The following WDR25 variants were observed in gnomAD, a reference collection of about 807,000 sequenced individuals.
The protein encoded by WDR25 is WD repeat domain 25, also known as WD repeat-containing protein 25.
WDR25 carries 35 observed loss-of-function variants against 47.7 expected under a neutral mutation model. The observed-to-expected ratio is 0.73, with a 90% CI of 0.56 to 0.97. WDR25 has a LOEUF of 0.97. Among genes scored for constraint, WDR25 ranks in the 50% least tolerant of loss-of-function variants. The pLI is 0.00. For missense variants in WDR25, 634 were observed against 704.7 expected (o/e 0.90, Z 1.14); for synonymous variants, 248 against 278.9 (o/e 0.89, Z 1.10).
chr14:100,508,723 G>A (rs1595158253), intron 4 of WDR25, among the ~76,000 whole-genome samples: 1 of 152,116 alleles, frequency 6.6e-6, no homozygotes, highest in Non-Finnish European at 1.5e-5. Context: ...TTACCATTAA[G>A]TATGATGTTA....
chr14:100,403,816 G>C (rs745579331), intron 2 of WDR25, among the ~76,000 whole-genome samples: 1 of 152,138 alleles, frequency 6.6e-6, no homozygotes, highest in Non-Finnish European at 1.5e-5. Flanking sequence ...TGCACATGAA[G>C]TGCTTGGCCC....
At chr14:100,377,981 C>T (rs1383638081) in intron 1 of WDR25, among the ~76,000 whole-genome samples, 3 of 152,122 alleles carry the variant, frequency 2.0e-5, no homozygotes, top group Non-Finnish European at 4.4e-5. Context: ...TCTTGGAAGT[C>T]GGTCTATTGC....
chr14:100,471,808 T>C (rs989017562), intron 3 of WDR25, among the ~76,000 whole-genome samples: 2 of 152,248 alleles, frequency 1.3e-5, no homozygotes, highest in African/African-American at 4.8e-5. Flanking sequence ...TTTATAGTTC[T>C]GACAGGTTGT....
intron 2 of WDR25, among the ~76,000 whole-genome samples, chr14:100,429,366 A>C (rs957586412): frequency 4.6e-5 from 7 of 152,128 alleles, no homozygotes; most frequent in African/African-American, 1.7e-4. Flanking sequence ...CAGGACCTGG[A>C]GTGAAAGAAA....
intron 4 of WDR25, among the ~76,000 whole-genome samples, chr14:100,511,871 G>T (rs1219668496): frequency 6.6e-6 from 1 of 152,008 alleles, no homozygotes; most frequent in Non-Finnish European, 1.5e-5. Flanking sequence ...ATCATGTGTG[G>T]TTTTTTTATT....
chr14:100,435,931 G>A (rs1898487813), intron 2 of WDR25, among the ~76,000 whole-genome samples: 1 of 152,196 alleles, frequency 6.6e-6, no homozygotes, highest in Non-Finnish European at 1.5e-5. Flanking sequence ...GTGAGGCTTG[G>A]AGAGGAGGGA....
In WDR25 at chr14:100,523,977, T is replaced by C. The variant is rs2029987038; in HGVS notation, c.1102-1893T>C. The stretch of plus-strand genomic sequence containing the variant: ...AGCAGTTGTGAAGGCGAGTAAATCA[T>C]GTTCGGTGGCGATCACTTCAAAGGC... On this transcript the variant is annotated intron_variant, in intron 4 of 6. Transcript: ENST00000402312. The surrounding 1 kb of genome is among the most constrained non-coding windows in gnomAD (Gnocchi z 4.7). 6.6e-6 allele frequency among the ~76,000 whole-genome samples: 1 copy of C among 152,090 alleles called. No homozygotes were observed. The highest frequency in any genetic ancestry group is 1.9e-4 in the East Asian group (1 of 5,182).
chr14:100,519,857 T>C (rs996372937), intron 4 of WDR25, among the ~76,000 whole-genome samples: 19 of 141,308 alleles, frequency 1.3e-4, no homozygotes, highest in African/African-American at 4.4e-4. Flanking sequence ...ATATGCTATA[T>C]ATATACTATA....
intron 2 of WDR25, among the ~76,000 whole-genome samples, chr14:100,441,470 T>C (rs1177852393): frequency 6.6e-6 from 1 of 152,110 alleles, no homozygotes; most frequent in Non-Finnish European, 1.5e-5. Flanking sequence ...TCTGGAGCTC[T>C]CCAGGCAGAT....
At chr14:100,467,846 T>TC (rs1899688353) in intron 2 of WDR25, among the ~76,000 whole-genome samples, 175 bp from the exon 3 acceptor site, 1 of 152,022 alleles carries the variant, frequency 6.6e-6, no homozygotes, top group Non-Finnish European at 1.5e-5. Context: ...AACTTACCAA[T>TC]CCCAAGCCTT....
chr14:100,382,425 C>T (rs890535872), intron 2 of WDR25, among the ~76,000 whole-genome samples: 2 of 152,170 alleles, frequency 1.3e-5, no homozygotes, highest in African/African-American at 4.8e-5. Context: ...GGCCTGGGAG[C>T]TGGCTTCAAG....
chr14:100,514,231 C>T (rs77567634), intron 4 of WDR25, among the ~76,000 whole-genome samples: 2,600 of 152,244 alleles, frequency 0.017, 82 homozygotes, highest in African/African-American at 0.052. Context: ...CCACCGCGCC[C>T]GGCCCTTTTT....
intron 3 of WDR25, among the ~76,000 whole-genome samples, chr14:100,472,531 C>T (rs949969887): frequency 4.6e-5 from 7 of 152,262 alleles, no homozygotes; most frequent in Non-Finnish European, 7.3e-5. Flanking sequence ...TCTCCTCCTC[C>T]GTCATGGCCC....
In WDR25 at chr14:100,483,998, C is replaced by A. The variant is rs1056359367; in HGVS notation, c.975C>A (p.Thr325=). ...ALHLTDLETG[T]QLFSGRSDFR... ...TCTTCTCTTTTTGTGTTGTAGGAAC[C>A]CAGCTATTTAGTGGTCGAAGTGACT... Residue 325 remains threonine, a synonymous_variant, in exon 4 of 7, where the codon ACC becomes ACA. Transcript: ENST00000402312. 1.2e-6 allele frequency: 2 copies of A among 1,609,074 alleles called. No individual in the cohort carries two copies. The highest frequency in any genetic ancestry group is 8.5e-7 in the Non-Finnish European group (1 of 1,178,562).
chr14:100,427,373 G>C (rs1029841397), intron 2 of WDR25, among the ~76,000 whole-genome samples: 1 of 152,078 alleles, frequency 6.6e-6, no homozygotes, highest in Non-Finnish European at 1.5e-5. Flanking sequence ...AATGTATCCC[G>C]TTCACCATGG....
chr14:100,426,005 C>T (rs189741450), intron 2 of WDR25, among the ~76,000 whole-genome samples: 8 of 152,270 alleles, frequency 5.3e-5, no homozygotes, highest in East Asian at 3.9e-4. Flanking sequence ...GGTTATTCTC[C>T]GCACGCCGTC....
chr14:100,446,525 T>TG (rs1898837833), intron 2 of WDR25, among the ~76,000 whole-genome samples: 1 of 130,700 alleles, frequency 7.7e-6, no homozygotes, highest in Admixed American at 9.2e-5. Context: ...CACTCTAGCC[T>TG]GGGTGACAGA....
In WDR25 at chr14:100,440,255, A is replaced by C. The variant is rs1410265094; in HGVS notation, c.823-27766A>C. Among the ~76,000 whole-genome samples the C allele has an allele frequency of 2.0e-5, 3 of 152,156 alleles. No individual in the cohort carries two copies. The highest frequency in any genetic ancestry group is 2.9e-5 in the Non-Finnish European group (2 of 68,016). On this transcript the variant is annotated intron_variant, in intron 2 of 6. Coordinates refer to ENST00000402312, the MANE Select transcript of WDR25 (RefSeq NM_001161476.3). The surrounding 1 kb of genome is among the most constrained non-coding windows in gnomAD (Gnocchi z 4.4). Reference sequence around the variant, plus strand: ...TAGCAGGGGAGTGTTTTCCTCTTGGATGCGTTTGCACCTGGCAAATGAATG... The same window carrying C: ...TAGCAGGGGAGTGTTTTCCTCTTGGCTGCGTTTGCACCTGGCAAATGAATG...
intron 4 of WDR25, among the ~76,000 whole-genome samples, chr14:100,501,836 C>T (rs1292733141): frequency 6.6e-6 from 1 of 152,178 alleles, no homozygotes; most frequent in Non-Finnish European, 1.5e-5. Flanking sequence ...AATGTGGGGG[C>T]TCACAAAGGC....
Sources: allele counts gnomAD v4.1 joint callset (sites outside exome capture counted in the v4.1 genomes callset), GRCh38; gene constraint gnomAD v4.1.1; non-coding constraint Gnocchi (gnomAD v3.1); transcripts MANE v1.5; gene names NCBI Gene and HGNC (gene_info 2026-07-23, HGNC 2026-07-21).